Variants in SORD observed in about 807,000 individuals in gnomAD.
SORD encodes (R,R)-butanediol dehydrogenase.
In SORD, 18 loss-of-function variants were observed where a neutral mutation model predicts 35.6. That is an observed-to-expected ratio of 0.51 (90% CI 0.35 to 0.75). SORD has a LOEUF of 0.75. Ranked by LOEUF, SORD falls within the 30% of genes least tolerant of loss-of-function variation. The pLI is 0.01. For missense variants in SORD, 250 were observed against 390.2 expected (o/e 0.64, Z 3.03); for synonymous variants, 106 against 152.9 (o/e 0.69, Z 2.26).
At chr15:45,030,447 A>C (rs1389848038) in intron 1 of SORD, among the ~76,000 whole-genome samples, 1 of 152,252 alleles carries the variant, frequency 6.6e-6, no homozygotes, top group Non-Finnish European at 1.5e-5. Context: ...GTTTTCCCCA[A>C]ATCAGGTTTG....
At chr15:45,042,307 C>T (rs979847350) in intron 2 of SORD, 4 of 151,982 alleles carry the variant, frequency 2.6e-5, no homozygotes, top group Non-Finnish European at 4.4e-5. Context: ...GCCTGGCCAA[C>T]ATGGTGAAAC....
intron 1 of SORD, among the ~76,000 whole-genome samples, chr15:45,030,868 A>G (rs1309373586): frequency 6.6e-6 from 1 of 152,274 alleles, no homozygotes; most frequent in African/African-American, 2.4e-5. Flanking sequence ...CACCAGTCCC[A>G]GTAACCAACT....
intron 1 of SORD, among the ~76,000 whole-genome samples, chr15:45,024,135 T>G (rs913677601): frequency 3.9e-5 from 6 of 152,218 alleles, no homozygotes; most frequent in African/African-American, 9.6e-5. Flanking sequence ...AGGAAGTGGC[T>G]GAGTCAGCAG....
At chr15:45,036,460 G>A (rs1892868304) in intron 1 of SORD, 1 of 412,596 alleles carries the variant, frequency 2.4e-6, no homozygotes, top group Admixed American at 2.9e-5. Flanking sequence ...GGGAGGCAGA[G>A]GCAGGCAGAT....
At chr15:45,063,468 G>A (rs936855720) in intron 4 of SORD, among the ~76,000 whole-genome samples, 67 of 151,948 alleles carry the variant, frequency 4.4e-4, no homozygotes, top group Admixed American at 1.2e-3. Context: ...GGGGAGGGTG[G>A]AGTCAGTGGT....
At chr15:45,070,663 TG>T (rs1299393294) in intron 7 of SORD, 9 of 152,272 alleles carry the variant, frequency 5.9e-5, no homozygotes, top group African/African-American at 2.2e-4. Flanking sequence ...TGGTATGTCT[TG>T]GGTACCTACC....
In SORD at chr15:45,038,151, C is replaced by A. The variant is rs1401591176; in HGVS notation, c.67-2257C>A. 2.2e-5 allele frequency among the ~76,000 whole-genome samples: 3 copies of A among 137,990 alleles called. No homozygotes were observed. The Admixed American group carries it at 2.2e-4, about 10-fold the overall frequency. 90.5% of individuals were successfully genotyped at this position (137,990 alleles called of 152,430 possible). A position where few individuals can be genotyped will look rare whatever the true frequency, so the allele number is the denominator to read the frequency against. The stretch of plus-strand genomic sequence containing the variant: ...CCCTTCCTTCCTTCCTTCCTTCCTT[C>A]CTTCCTTCCTTCCTTCCTTCCTTCC... On this transcript the variant is annotated intron_variant, in intron 1 of 8. Transcript: ENST00000267814.
intron 1 of SORD, among the ~76,000 whole-genome samples, chr15:45,031,154 C>T (rs1375940928): frequency 5.9e-5 from 9 of 152,130 alleles, no homozygotes; most frequent in African/African-American, 2.2e-4. Context: ...CTTGTCTCTA[C>T]AAAAAATGTA....
intron 3 of SORD, among the ~76,000 whole-genome samples, chr15:45,056,345 AACAG>A (rs1412623033): frequency 3.3e-5 from 5 of 152,188 alleles, no homozygotes; most frequent in African/African-American, 9.6e-5. Flanking sequence ...ATACACCAAT[AACAG>A]ACAGAGAGCC....
Position 45,068,950 on chromosome 15 carries a change from C to T in SORD, c.684C>T (p.Ser228=). 6.3e-7 allele frequency: 1 copy of T among 1,597,296 alleles called. No individual in the cohort carries two copies. Among genetic ancestry groups the T allele is most frequent in the Non-Finnish European group, 8.5e-7 (1 of 1,173,562 alleles). The change falls in exon 7 of 9, where the codon AGC becomes AGT. Residue 228 remains serine (S), a synonymous_variant. Transcript: ENST00000267814. Reference sequence around the variant, plus strand: ...TAGTCCTCCAGATCTCCAAGGAGAGCCCTCAGGAAATCGCCAGGAAAGTAG... The same window carrying T: ...TAGTCCTCCAGATCTCCAAGGAGAGTCCTCAGGAAATCGCCAGGAAAGTAG... The part of the protein sequence containing the change: ...ADLVLQISKE[S]PQEIARKVEG...
chr15:45,045,194 A>C (rs530308241), intron 3 of SORD, among the ~76,000 whole-genome samples: 21 of 152,026 alleles, frequency 1.4e-4, no homozygotes, highest in East Asian at 1.2e-3. Flanking sequence ...TACTTGAGAA[A>C]GGTTTTATAT....
intron 1 of SORD, among the ~76,000 whole-genome samples, chr15:45,037,195 T>A (rs1489678632): frequency 6.6e-6 from 1 of 152,196 alleles, no homozygotes; most frequent in African/African-American, 2.4e-5. Flanking sequence ...TTATTTGAAC[T>A]TCTCCATCAA....
chr15:45,041,624 G>A (rs1234461061), intron 2 of SORD: 4 of 152,142 alleles, frequency 2.6e-5, no homozygotes, highest in African/African-American at 4.8e-5. Flanking sequence ...GTATAGTTAG[G>A]GTTCAAGGAT....
At chr15:45,045,023 C>T (rs1452415717) in intron 3 of SORD, among the ~76,000 whole-genome samples, 2 of 152,024 alleles carry the variant, frequency 1.3e-5, no homozygotes, top group Non-Finnish European at 2.9e-5. Flanking sequence ...TGTAACAATT[C>T]TATGAGATAG....
chr15:45,055,340 C>T (rs540853885), intron 3 of SORD, among the ~76,000 whole-genome samples: 28 of 152,208 alleles, frequency 1.8e-4, no homozygotes, highest in African/African-American at 5.8e-4. Flanking sequence ...TACAAACTAC[C>T]ATCAGAGAAT....
intron 1 of SORD, among the ~76,000 whole-genome samples, chr15:45,038,141 TTCCTTCCTTCCTTCCTTCC>T (rs1892902109): frequency 9.4e-6 from 1 of 106,256 alleles, no homozygotes; most frequent in African/African-American, 4.7e-5. Flanking sequence ...CCTTCCTTCC[TTCCTTCCTTCCTTCCTTCC>T]TTCCTTCCTT....
At chr15:45,042,726 A>ACCAG (rs1402115304) in intron 2 of SORD, among the ~76,000 whole-genome samples, 502 of 151,916 alleles carry the variant, frequency 3.3e-3, no homozygotes, top group African/African-American at 0.011. Flanking sequence ...CCTACTAATG[A>ACCAG]TATATTGTTT....
chr15:45,071,025 G>C (rs1413793639), intron 7 of SORD, among the ~76,000 whole-genome samples: 1 of 152,254 alleles, frequency 6.6e-6, no homozygotes. Context: ...GAGCAGGCTA[G>C]GTGGCTGGAC....
At chr15:45,051,333 A>G (rs374897713) in intron 3 of SORD, among the ~76,000 whole-genome samples, 1 of 152,240 alleles carries the variant, frequency 6.6e-6, no homozygotes, top group East Asian at 1.9e-4. Context: ...AAAGAAGATT[A>G]AACATGACTT....
Sources: gnomAD v4.1 joint callset for allele counts (sites outside exome capture counted in the v4.1 genomes callset) on GRCh38, gnomAD v4.1.1 for gene constraint, MANE v1.5 for transcripts, NCBI Gene and HGNC (gene_info 2026-07-23, HGNC 2026-07-21) for gene names.